The following NRP1 variants were observed in gnomAD, a reference collection of about 807,000 sequenced individuals.
The protein encoded by NRP1 is neuropilin 1.
In NRP1, 35 loss-of-function variants were observed where a neutral mutation model predicts 106.7. The observed-to-expected ratio is 0.33, with a 90% confidence interval of 0.25 to 0.43. The LOEUF (loss-of-function observed/expected upper bound fraction) is 0.43, where lower values mean the gene tolerates loss of function less well. Among genes scored for constraint, NRP1 ranks in the 20% least tolerant of loss-of-function variants. The pLI, the probability that NRP1 is intolerant of heterozygous loss-of-function variation, is 1.00. For missense variants in NRP1, 1,024 were observed against 1,170.4 expected, an observed-to-expected ratio of 0.87 and a Z score of 1.83; for synonymous variants, 437 against 417.9, an observed-to-expected ratio of 1.05 and a Z score of -0.56.
intron 6 of NRP1, among the ~76,000 whole-genome samples, chr10:33,243,753 C>T (rs2133092906): frequency 6.6e-6 from 1 of 152,286 alleles, no homozygotes; most frequent in East Asian, 1.9e-4. Context: ...CAAACACTTA[C>T]TCTGTTCAAT....
At chr10:33,273,143 C>A (rs1372616171) in intron 2 of NRP1, among the ~76,000 whole-genome samples, 1 of 151,948 alleles carries the variant, frequency 6.6e-6, no homozygotes, top group East Asian at 1.9e-4. Context: ...AGAAATAAGT[C>A]ATTGCACAGT....
At chr10:33,191,603 G>A (rs568854991) in intron 13 of NRP1, among the ~76,000 whole-genome samples, 51 of 152,234 alleles carry the variant, frequency 3.4e-4, no homozygotes, top group Non-Finnish European at 5.9e-4. Context: ...AAGCAGGGTC[G>A]TGCACATAGA....
chr10:33,321,040 G>A (rs57639126), intron 2 of NRP1, among the ~76,000 whole-genome samples: 1,867 of 152,296 alleles, frequency 0.012, 42 homozygotes, highest in African/African-American at 0.043. Context: ...CGGCTAGAGT[G>A]CAATGGCCTG....
At chr10:33,243,964 T>TGC (rs1554790392) in intron 6 of NRP1, among the ~76,000 whole-genome samples, 1 of 151,682 alleles carries the variant, frequency 6.6e-6, no homozygotes, top group Admixed American at 6.6e-5. Flanking sequence ...TGTGTGTGTG[T>TGC]GCATGCATGC....
chr10:33,276,573 G>C (rs1306195874), intron 2 of NRP1, among the ~76,000 whole-genome samples: 1 of 152,204 alleles, frequency 6.6e-6, no homozygotes, highest in African/African-American at 2.4e-5. Flanking sequence ...CACAGCATAA[G>C]AGACCCAGGA....
At chr10:33,193,360 T>A (rs1836547237) in intron 12 of NRP1, among the ~76,000 whole-genome samples, 1 of 152,248 alleles carries the variant, frequency 6.6e-6, no homozygotes, top group African/African-American at 2.4e-5. Context: ...AGTATGACTG[T>A]TGTTTTGGTA....
intron 2 of NRP1, among the ~76,000 whole-genome samples, chr10:33,324,700 G>A (rs180871356): frequency 2.0e-5 from 3 of 152,152 alleles, no homozygotes; most frequent in East Asian, 3.9e-4. Context: ...GCAATGGTGC[G>A]GATCTTGGCT....
rs1564376518 is a variant in NRP1, at chr10:33,202,889, A to G, written c.1864+2T>C. The stretch of plus-strand genomic sequence containing the variant: ...GCAATGGGATGAAGATGGTTTCTGC[A>G]CCTGTGAGCTGGAAGTCATCACCTG... On this transcript the variant is annotated splice_donor_variant, in intron 11 of 16. Coordinates refer to ENST00000374867, the MANE Select transcript of NRP1 (RefSeq NM_003873.7). LOFTEE classifies it high-confidence loss of function. 1 of 1,614,192 alleles carries G rather than the reference A, an allele frequency of 6.2e-7. No homozygotes were observed. The highest frequency in any genetic ancestry group is 2.2e-5 in the East Asian group (1 of 44,884).
chr10:33,330,657 G>T, intron 2 of NRP1, 51 bp downstream of exon 2: 1 of 1,503,686 alleles, frequency 6.7e-7, no homozygotes, highest in Non-Finnish European at 9.0e-7. Context: ...GTAGACAGGC[G>T]TGACCACTAG....
chr10:33,231,051 T>C (rs1840084795), intron 6 of NRP1, among the ~76,000 whole-genome samples: 1 of 152,224 alleles, frequency 6.6e-6, no homozygotes, highest in South Asian at 2.1e-4. Flanking sequence ...TATTCGTTGC[T>C]TGTAACAGAA....
chr10:33,222,660 A>G (rs894197309), intron 7 of NRP1, among the ~76,000 whole-genome samples: 1 of 152,024 alleles, frequency 6.6e-6, no homozygotes, highest in Non-Finnish European at 1.5e-5. Flanking sequence ...AGCTAGGATT[A>G]CAGGTGCCCA....
chr10:33,248,454 T>G (rs1271068812), intron 6 of NRP1, among the ~76,000 whole-genome samples: 1 of 152,220 alleles, frequency 6.6e-6, no homozygotes, highest in African/African-American at 2.4e-5. Flanking sequence ...TTACTTTCTT[T>G]TGACACTATT....
At chr10:33,224,489 C>T (rs1029768903) in intron 7 of NRP1, among the ~76,000 whole-genome samples, 1 of 151,928 alleles carries the variant, frequency 6.6e-6, no homozygotes, top group Non-Finnish European at 1.5e-5. Flanking sequence ...AATGAAATAC[C>T]AGTTAAGTTT....
intron 9 of NRP1, among the ~76,000 whole-genome samples, chr10:33,210,557 AC>A (rs1402645374): frequency 3.9e-5 from 6 of 152,204 alleles, no homozygotes; most frequent in Non-Finnish European, 5.9e-5. Context: ...GATATAATAA[AC>A]TTACTTATGA....
intron 5 of NRP1, 39 bp from the exon 6 acceptor site, chr10:33,254,233 G>C: frequency 6.5e-7 from 1 of 1,540,218 alleles, no homozygotes; most frequent in Non-Finnish European, 8.7e-7. Context: ...TCAAAATATA[G>C]GGGATTTAAG....
At chr10:33,194,782 T>C (rs1477889406) in intron 12 of NRP1, 3 of 523,038 alleles carry the variant, frequency 5.7e-6, no homozygotes, top group Non-Finnish European at 1.2e-5. Context: ...CCAGCCTGGC[T>C]AGAAAGACAA....
intron 4 of NRP1, 72 bp from the exon 5 acceptor site, chr10:33,256,543 C>A (rs1842210213): frequency 6.6e-7 from 1 of 1,526,080 alleles, no homozygotes; most frequent in Middle Eastern, 2.1e-4. Context: ...TTAGCATTTA[C>A]AAAGATGGGC....
chr10:33,202,490 A>G (rs1837397416), intron 11 of NRP1: 7 of 1,034,014 alleles, frequency 6.8e-6, no homozygotes, highest in Non-Finnish European at 9.2e-6. Context: ...GATCCACTCA[A>G]AAAAACTTGT....
chr10:33,259,768 T>C (rs1588867752), intron 4 of NRP1, among the ~76,000 whole-genome samples: 1 of 152,356 alleles, frequency 6.6e-6, no homozygotes, highest in East Asian at 1.9e-4. Flanking sequence ...ATTGTAACCT[T>C]ATCTCAGAAT....
Sources: allele counts gnomAD v4.1 joint callset (sites outside exome capture counted in the v4.1 genomes callset), GRCh38; gene constraint gnomAD v4.1.1; transcripts MANE v1.5; gene names NCBI Gene and HGNC (gene_info 2026-07-23, HGNC 2026-07-21).